Variants in CDC14A observed in about 807,000 individuals in gnomAD.
CDC14A encodes the protein dual specificity protein phosphatase CDC14A.
Under a neutral mutation model 74.4 loss-of-function variants are expected in CDC14A, and 53 were observed. That is an observed-to-expected ratio of 0.71 (90% CI 0.57 to 0.89). The LOEUF is 0.89. Ranked by LOEUF, CDC14A falls within the 40% of genes least tolerant of loss-of-function variation. The pLI, the probability that CDC14A is intolerant of heterozygous loss-of-function variation, is 0.00. For missense variants in CDC14A, 646 were observed against 713.7 expected (o/e 0.91, Z 1.08); for synonymous variants, 247 against 258.4 (o/e 0.96, Z 0.43).
intron 3 of CDC14A, among the ~76,000 whole-genome samples, chr1:100,389,543 A>G (rs983482853): frequency 2.0e-5 from 3 of 151,818 alleles, no homozygotes; most frequent in African/African-American, 2.4e-5. Flanking sequence ...TTCCTGGCTC[A>G]TTGGAGGGAT....
At chr1:100,371,334 T>C (rs563570776) in intron 2 of CDC14A, among the ~76,000 whole-genome samples, 1 of 152,192 alleles carries the variant, frequency 6.6e-6, no homozygotes, top group Non-Finnish European at 1.5e-5. Context: ...TAGTACTGTG[T>C]TAAATAGGAG....
chr1:100,455,970 C>T (rs894941265), intron 8 of CDC14A, among the ~76,000 whole-genome samples: 2 of 152,200 alleles, frequency 1.3e-5, no homozygotes, highest in Non-Finnish European at 2.9e-5. Context: ...CTCAACACAA[C>T]TCTATGAGAT....
At chr1:100,388,145 G>A (rs1352981260) in intron 3 of CDC14A, among the ~76,000 whole-genome samples, 1 of 152,214 alleles carries the variant, frequency 6.6e-6, no homozygotes, top group Non-Finnish European at 1.5e-5. Context: ...AGAGCGTCGA[G>A]TCCCTATGCT....
chr1:100,417,744 A>G (rs1040524486), intron 4 of CDC14A, among the ~76,000 whole-genome samples: 1 of 152,172 alleles, frequency 6.6e-6, no homozygotes, highest in African/African-American at 2.4e-5. Context: ...TTCCCACTAT[A>G]GTTGTAGTGA....
intron 4 of CDC14A, among the ~76,000 whole-genome samples, chr1:100,420,051 C>CACACACAT (rs1553180462): frequency 2.7e-4 from 4 of 14,850 alleles, no homozygotes; most frequent in African/African-American, 5.0e-4. Flanking sequence ...CACACACACA[C>CACACACAT]ACACACACAC....
chr1:100,424,838 C>A (rs1192221432), intron 5 of CDC14A, among the ~76,000 whole-genome samples: 2 of 152,250 alleles, frequency 1.3e-5, no homozygotes, highest in Admixed American at 6.5e-5. Context: ...AAAAGAAGAT[C>A]TTTTAAAAAT....
chr1:100,414,501 T>G (rs1009519020), intron 4 of CDC14A, among the ~76,000 whole-genome samples: 3 of 152,220 alleles, frequency 2.0e-5, no homozygotes, highest in Non-Finnish European at 4.4e-5. Context: ...TATGGTTCCT[T>G]GCCTTGTAAA....
chr1:100,496,534 C>T (rs1571342709), intron 13 of CDC14A, among the ~76,000 whole-genome samples: 1 of 152,104 alleles, frequency 6.6e-6, no homozygotes, highest in East Asian at 1.9e-4. Flanking sequence ...CTGAAACCTC[C>T]GGGAGTGGTA....
intron 5 of CDC14A, among the ~76,000 whole-genome samples, chr1:100,427,135 T>TA (rs1023147883): frequency 2.3e-4 from 35 of 151,646 alleles, no homozygotes; most frequent in African/African-American, 7.3e-4. Flanking sequence ...TCACCAGGTT[T>TA]AAAAAAAAAT....
chr1:100,448,000 T>C (rs1013227094), intron 7 of CDC14A, among the ~76,000 whole-genome samples: 1 of 152,220 alleles, frequency 6.6e-6, no homozygotes, highest in Non-Finnish European at 1.5e-5. Flanking sequence ...AGGCTTGCCA[T>C]GGTTTGATGA....
At chr1:100,355,590 T>A (rs762961050) in intron 2 of CDC14A, among the ~76,000 whole-genome samples, 3 of 152,278 alleles carry the variant, frequency 2.0e-5, no homozygotes, top group Admixed American at 2.0e-4. Context: ...TCCATCCAAT[T>A]TATATTGTGA....
At chr1:100,450,819 C>T (rs549912514) in intron 7 of CDC14A, among the ~76,000 whole-genome samples, 51 of 152,230 alleles carry the variant, frequency 3.4e-4, no homozygotes, top group Middle Eastern at 3.4e-3. Flanking sequence ...TCTTTAATCT[C>T]CAAACTTCTT....
intron 7 of CDC14A, among the ~76,000 whole-genome samples, chr1:100,448,587 G>C (rs1665801771): frequency 6.6e-6 from 1 of 152,192 alleles, no homozygotes; most frequent in South Asian, 2.1e-4. Flanking sequence ...CATAGCTGTT[G>C]GCAAGTGGCC....
At chr1:100,471,011 A>G (rs1370545756) in intron 10 of CDC14A, among the ~76,000 whole-genome samples, 2 of 152,208 alleles carry the variant, frequency 1.3e-5, no homozygotes, top group Non-Finnish European at 2.9e-5. Context: ...GTAGCCCAAA[A>G]TTAGAAATCA....
intron 11 of CDC14A, among the ~76,000 whole-genome samples, chr1:100,491,991 C>G (rs1221667211): frequency 6.6e-6 from 1 of 151,246 alleles, no homozygotes; most frequent in African/African-American, 2.4e-5. Context: ...TGCGGTGGCT[C>G]CTGTGAGGGT....
chr1:100,375,873 CA>C (rs1447429150), intron 2 of CDC14A, among the ~76,000 whole-genome samples: 3 of 152,174 alleles, frequency 2.0e-5, no homozygotes, highest in African/African-American at 4.8e-5. Flanking sequence ...GCACTATTCA[CA>C]ATAGCAAAGA....
In CDC14A at chr1:100,377,534, C is replaced by A. The variant is rs1440119142; in HGVS notation, c.141-12C>A. ...ACTAAATACTACGTTTTTTGTTTTTCTTGTATCTTAGTTTCTATGCAGATT... is the reference window on the plus strand; with the variant it reads ...ACTAAATACTACGTTTTTTGTTTTTATTGTATCTTAGTTTCTATGCAGATT... On this transcript the variant is annotated splice_polypyrimidine_tract_variant and intron_variant, in intron 2 of 15. Transcript: ENST00000336454. 1.3e-6 allele frequency: 2 copies of A among 1,594,424 alleles called. No homozygotes were observed. Among genetic ancestry groups the A allele is most frequent in the African/African-American group, 2.7e-5 (2 of 73,716 alleles).
chr1:100,427,038 T>G (rs984603790), intron 5 of CDC14A, among the ~76,000 whole-genome samples: 7 of 152,204 alleles, frequency 4.6e-5, no homozygotes, highest in African/African-American at 1.7e-4. Context: ...CAACTAAGAC[T>G]AATGGACTTC....
intron 4 of CDC14A, among the ~76,000 whole-genome samples, chr1:100,405,322 T>G (rs564568988): frequency 6.6e-6 from 1 of 152,368 alleles, no homozygotes; most frequent in African/African-American, 2.4e-5. Flanking sequence ...TTACTTGCTT[T>G]GCACACTCGC....
Sources: gnomAD v4.1 joint callset for allele counts (sites outside exome capture counted in the v4.1 genomes callset) on GRCh38, gnomAD v4.1.1 for gene constraint, MANE v1.5 for transcripts, NCBI Gene and HGNC (gene_info 2026-07-23, HGNC 2026-07-21) for gene names.